Variants in TSPAN14 observed in about 807,000 individuals in gnomAD.
TSPAN14 encodes the protein tetraspanin 14.
Under a neutral mutation model 36.6 loss-of-function variants are expected in TSPAN14, and 16 were observed. That is an observed-to-expected ratio of 0.44 (90% CI 0.30 to 0.66). TSPAN14 has a LOEUF of 0.66. TSPAN14 is among the 30% of genes least tolerant of loss of function. The probability of loss-of-function intolerance (pLI) is 0.12; values close to 1 mark genes in which losing one functional copy is unlikely to be tolerated. For synonymous variants in TSPAN14, 139 were observed against 143.8 expected, an observed-to-expected ratio of 0.97 and a Z score of 0.24; for missense variants, 231 against 355.1, an observed-to-expected ratio of 0.65 and a Z score of 2.81.
At chr10:80,520,697 T>A in exon 9 of TSPAN14, 1 of 533,450 alleles carries the variant, frequency 1.9e-6, no homozygotes, top group South Asian at 1.4e-5. Flanking sequence ...TATGGCTCCC[T>A]CCCTTTCTTT....
At chr10:80,466,822 G>T (rs1335836341) in intron 1 of TSPAN14, among the ~76,000 whole-genome samples, 1 of 152,184 alleles carries the variant, frequency 6.6e-6, no homozygotes, top group Non-Finnish European at 1.5e-5. Flanking sequence ...TTTTAAGGAG[G>T]CAAAAGTTAC....
chr10:80,500,314 C>CTTTTTTTTTTTTTTTTTTTTTTTTTTTTT (rs144759161), intron 2 of TSPAN14, among the ~76,000 whole-genome samples: 1 of 47,860 alleles, frequency 2.1e-5, no homozygotes, highest in Non-Finnish European at 3.6e-5. Flanking sequence ...AGGCCTTATT[C>CTTTTTTTTTTTTTTTTTTTTTTTTTTTTT]TTTTTTTTTT....
intron 2 of TSPAN14, 27 bp downstream of exon 2, chr10:80,489,341 C>T: frequency 7.1e-7 from 1 of 1,401,832 alleles, no homozygotes; most frequent in Non-Finnish European, 9.9e-7. Flanking sequence ...TGCCACATTC[C>T]CTTGTTTAGT....
At chr10:80,500,314 C>CTTTTTTTTTTTTTTT in intron 2 of TSPAN14, among the ~76,000 whole-genome samples, 1 of 47,860 alleles carries the variant, frequency 2.1e-5, no homozygotes. Context: ...AGGCCTTATT[C>CTTTTTTTTTTTTTTT]TTTTTTTTTT....
intron 2 of TSPAN14, among the ~76,000 whole-genome samples, chr10:80,503,662 G>A (rs1848651628): frequency 6.6e-6 from 1 of 152,056 alleles, no homozygotes. Context: ...AGAAGAGGTT[G>A]GATCACAGAT....
At chr10:80,477,016 C>A (rs941653017) in intron 1 of TSPAN14, among the ~76,000 whole-genome samples, 1 of 152,234 alleles carries the variant, frequency 6.6e-6, no homozygotes, top group African/African-American at 2.4e-5. Flanking sequence ...ACATGTAGAA[C>A]TGAGTCCTTG....
intron 1 of TSPAN14, among the ~76,000 whole-genome samples, chr10:80,458,956 A>C (rs1396574540): frequency 6.6e-6 from 1 of 151,150 alleles, no homozygotes; most frequent in Non-Finnish European, 1.5e-5. Context: ...AGTGACCTAC[A>C]CAAGTCTTTG....
chr10:80,456,468 TG>T (rs1374082615), intron 1 of TSPAN14, among the ~76,000 whole-genome samples: 1 of 152,152 alleles, frequency 6.6e-6, no homozygotes, highest in Admixed American at 6.5e-5. Context: ...CTGAAGGTTG[TG>T]GCGGCAGTGA....
chr10:80,465,804 T>G (rs145695383), intron 1 of TSPAN14, among the ~76,000 whole-genome samples: 7 of 152,334 alleles, frequency 4.6e-5, no homozygotes, highest in African/African-American at 1.7e-4. Flanking sequence ...ATTTTTTATT[T>G]TGGTCCTTAT....
At position 80,507,208 on chromosome 10, in the gene TSPAN14, G is replaced by T; in HGVS notation, c.133-20G>T. On this transcript the variant is annotated intron_variant, in intron 3 of 8. Coordinates refer to ENST00000429989, the Ensembl canonical transcript of TSPAN14. ...TCCCCTTCTGGGCCAGTGCTGCCCTGCTTTCTCTGTCTCTTTCAGGGTGTG... is the reference window on the plus strand; with the variant it reads ...TCCCCTTCTGGGCCAGTGCTGCCCTTCTTTCTCTGTCTCTTTCAGGGTGTG... 6.2e-7 allele frequency: 1 copy of T among 1,614,134 alleles called. No individual in the cohort carries two copies. Among genetic ancestry groups the T allele is most frequent in the Non-Finnish European group, 8.5e-7 (1 of 1,179,988 alleles).
intron 1 of TSPAN14, chr10:80,459,214 T>TGGTGGGGTTG (rs762566979): frequency 6.7e-6 from 1 of 148,174 alleles, no homozygotes; most frequent in Non-Finnish European, 1.5e-5. Flanking sequence ...CCCTTGGGCT[T>TGGTGGGGTTG]GGTGGGGTTG....
chr10:80,480,072 A>G (rs1348367156), intron 1 of TSPAN14, among the ~76,000 whole-genome samples: 3 of 149,702 alleles, frequency 2.0e-5, no homozygotes, highest in South Asian at 2.2e-4. Flanking sequence ...ATGGGAGTTC[A>G]CTCATGATTT....
At chr10:80,454,950 G>C (rs969542005) in intron 1 of TSPAN14, among the ~76,000 whole-genome samples, 3 of 152,238 alleles carry the variant, frequency 2.0e-5, no homozygotes, top group Admixed American at 1.3e-4. Context: ...CCCGGCTTGG[G>C]TTTGGGACGG....
At chr10:80,514,758 G>A (rs1025873620) in intron 7 of TSPAN14, among the ~76,000 whole-genome samples, 37 of 152,210 alleles carry the variant, frequency 2.4e-4, no homozygotes, top group African/African-American at 8.7e-4. Flanking sequence ...AACTGAATGT[G>A]TGTGTCTCTC....
chr10:80,514,588 G>A (rs1400136598), intron 7 of TSPAN14, among the ~76,000 whole-genome samples: 3 of 152,114 alleles, frequency 2.0e-5, no homozygotes, highest in Admixed American at 6.6e-5. Flanking sequence ...TTGTTCTAGT[G>A]GTCTTTGGTG....
rs775568377 is a variant in TSPAN14 at position 80,517,916 on chromosome 10, CT to C, written c.755del (p.Phe252SerfsTer6). 1 of 1,565,220 alleles carries C rather than the reference CT, an allele frequency of 6.4e-7. No homozygotes were observed. The highest frequency in any genetic ancestry group is 8.7e-7 in the Non-Finnish European group (1 of 1,153,574). ...GGTGTTGGTTTCAGATATTTGGCAT[CT>C]TCCTGGCAAGGACGCTGATCTCAGA... is the stretch of plus-strand genomic sequence containing the variant. On this transcript the variant is annotated frameshift_variant, in exon 9 of 9. Coordinates refer to ENST00000429989, the Ensembl canonical transcript of TSPAN14. LOFTEE classifies it high-confidence loss of function.
exon 9 of TSPAN14, chr10:80,519,398 C>CT (rs1451725205): frequency 6.5e-6 from 1 of 152,770 alleles, no homozygotes; most frequent in Non-Finnish European, 1.5e-5. Flanking sequence ...GGGCTACTTT[C>CT]TAACACTTTG....
At chr10:80,516,149 A>G in intron 7 of TSPAN14, 55 bp from the exon 8 acceptor site, 1 of 1,611,414 alleles carries the variant, frequency 6.2e-7, no homozygotes, top group Non-Finnish European at 8.5e-7. Context: ...CTAGGGGATC[A>G]GGTGGGGACA....
chr10:80,468,935 CTG>C (rs1429713522), intron 1 of TSPAN14, among the ~76,000 whole-genome samples: 2 of 152,124 alleles, frequency 1.3e-5, no homozygotes, highest in Non-Finnish European at 2.9e-5. Context: ...CTTTGTTAGC[CTG>C]TTTCATGGTT....
Sources: allele counts gnomAD v4.1 joint callset (sites outside exome capture counted in the v4.1 genomes callset), GRCh38; gene constraint gnomAD v4.1.1; transcripts MANE v1.5; gene names NCBI Gene and HGNC (gene_info 2026-07-23, HGNC 2026-07-21).